POTEC: variants seen among roughly 807,000 people sequenced by gnomAD.
POTEC encodes POTE ankyrin domain family member C.
In POTEC, 35 loss-of-function variants were observed where a neutral mutation model predicts 62.0. That is an observed-to-expected ratio of 0.56 (90% CI 0.43 to 0.75). The LOEUF is 0.75. Among genes scored for constraint, POTEC ranks in the 30% least tolerant of loss-of-function variants. The probability of loss-of-function intolerance (pLI) is 0.00; values close to 1 mark genes in which losing one functional copy is unlikely to be tolerated. For missense variants in POTEC, 472 were observed against 655.9 expected (o/e 0.72, Z 3.06); for synonymous variants, 156 against 221.5 (o/e 0.70, Z 2.62).
At chr18:14,524,673 AGTG>A (rs1910391253) in intron 7 of POTEC, among the ~76,000 whole-genome samples, 1 of 152,090 alleles carries the variant, frequency 6.6e-6, no homozygotes, top group Non-Finnish European at 1.5e-5. Flanking sequence ...TAAATTTTAT[AGTG>A]GTTATGTTTT....
intron 9 of POTEC, among the ~76,000 whole-genome samples, chr18:14,518,538 C>T: frequency 6.9e-6 from 1 of 145,962 alleles, no homozygotes; most frequent in South Asian, 2.2e-4. Flanking sequence ...TTTCACTGAA[C>T]CTTCCCTTCG....
At chr18:14,516,093 T>A (rs1054848883) in intron 9 of POTEC, among the ~76,000 whole-genome samples, 3 of 150,192 alleles carry the variant, frequency 2.0e-5, no homozygotes, top group African/African-American at 7.4e-5. Flanking sequence ...AGTACAAATC[T>A]ATGGAAAACA....
intron 9 of POTEC, 126 bp from the exon 10 acceptor site, chr18:14,513,911 G>C: frequency 3.3e-6 from 5 of 1,538,058 alleles, no homozygotes; most frequent in Middle Eastern, 2.4e-4. Context: ...ACAAGACAAA[G>C]GGGTCTCACA....
At chr18:14,534,198 G>A (rs1244498317) in intron 4 of POTEC, among the ~76,000 whole-genome samples, 1 of 149,128 alleles carries the variant, frequency 6.7e-6, no homozygotes, top group Non-Finnish European at 1.5e-5. Flanking sequence ...TCTTGCGATA[G>A]TTTACTGAGA....
Position 14,543,301 on chromosome 18 carries a change from C to G in POTEC, c.-155G>C. On this transcript the variant is annotated 5_prime_UTR_variant, in exon 1 of 11. Coordinates refer to ENST00000358970, the MANE Select transcript of POTEC (RefSeq NM_001137671.2). ...GCCAACCCCAGCAAGGGAGCCCAGT[C>G]CACCCCACCCAGGGAAAACCCACAC... 7.5e-7 allele frequency: 1 copy of G among 1,327,884 alleles called. No individual in the cohort carries two copies. Among genetic ancestry groups the G allele is most frequent in the Middle Eastern group, 2.7e-4 (1 of 3,720 alleles). The allele number at this position is 1,327,884 out of a possible 1,614,324, so 82.3% of individuals were successfully genotyped here. A position where few individuals can be genotyped will look rare whatever the true frequency, so the allele number is the denominator to read the frequency against.
rs1297847399 is a variant in POTEC at position 14,507,446 on chromosome 18, CCTTT to C, written c.*4448_*4451del. 1 of 151,526 alleles carries C rather than the reference CCTTT, an allele frequency of 6.6e-6. No individual in the cohort carries two copies. Among genetic ancestry groups the C allele is most frequent in the Admixed American group, 6.6e-5 (1 of 15,204 alleles). 9.4% of individuals were successfully genotyped at this position (151,526 alleles called of 1,614,324 possible). On this transcript the variant is annotated 3_prime_UTR_variant, in exon 11 of 11. Coordinates refer to ENST00000358970, the MANE Select transcript of POTEC (RefSeq NM_001137671.2). ...TTTCCTTGAAATATTTTTCTCCATTCCTTTATTTTGAGCCTATGTATGGCACTGC... is the reference window on the plus strand; with the variant it reads ...TTTCCTTGAAATATTTTTCTCCATTCATTTTGAGCCTATGTATGGCACTGC...
chr18:14,531,052 T>C (rs1219276967), intron 5 of POTEC, among the ~76,000 whole-genome samples: 3 of 152,058 alleles, frequency 2.0e-5, no homozygotes, highest in Admixed American at 1.3e-4. Context: ...GAATCCCAAA[T>C]AAAACCCCAT....
intron 9 of POTEC, among the ~76,000 whole-genome samples, chr18:14,518,592 A>G (rs1910228027): frequency 7.2e-6 from 1 of 138,922 alleles, no homozygotes; most frequent in African/African-American, 2.7e-5. Context: ...TTGAACCTTA[A>G]GCATGACGCG....
At chr18:14,526,187 C>T (rs1910432235) in intron 6 of POTEC, among the ~76,000 whole-genome samples, 1 of 152,018 alleles carries the variant, frequency 6.6e-6, no homozygotes, top group African/African-American at 2.4e-5. Flanking sequence ...TGTGAGCCAC[C>T]ACACCCAGCC....
At chr18:14,537,765 T>C in intron 3 of POTEC, 36 bp downstream of exon 3, 1 of 1,607,236 alleles carries the variant, frequency 6.2e-7, no homozygotes, top group South Asian at 1.1e-5. Flanking sequence ...ACGAATGCAT[T>C]TCAGTATTTT....
rs1283930507 is a variant in POTEC at position 14,507,369 on chromosome 18, G to C, written c.*4529C>G. ...TTTTTTTTAAATCTTTATTGGTATA[G>C]TCTGTTTTGTCAGAAACTAGGAGTG... On this transcript the variant is annotated 3_prime_UTR_variant, in exon 11 of 11. Coordinates refer to ENST00000358970, the MANE Select transcript of POTEC (RefSeq NM_001137671.2). The C allele has an allele frequency of 6.6e-6, 1 of 150,648 alleles. No individual in the cohort carries two copies. The highest frequency in any genetic ancestry group is 1.5e-5 in the Non-Finnish European group (1 of 67,788). 9.3% of individuals were successfully genotyped at this position (150,648 alleles called of 1,614,324 possible).
chr18:14,508,293 G>A lies in POTEC; in HGVS notation c.*3605C>T, dbSNP rs1171011110. ...ATTCTTTTTTCCCCCATTCTTGTTT[G>A]CCTGTTTTATTTCAGAAAGCCAGTT... On this transcript the variant is annotated 3_prime_UTR_variant, in exon 11 of 11. Transcript: ENST00000358970. The A allele has an allele frequency of 1.3e-5, 2 of 152,406 alleles. No individual in the cohort carries two copies. Among genetic ancestry groups the A allele is most frequent in the Non-Finnish European group, 2.9e-5 (2 of 68,018 alleles). The allele number at this position is 152,406 out of a possible 1,614,324, so 9.4% of individuals were successfully genotyped here. A position where few individuals can be genotyped will look rare whatever the true frequency, so the allele number is the denominator to read the frequency against.
chr18:14,538,953 TATAAC>T (rs1238309583), intron 1 of POTEC, among the ~76,000 whole-genome samples: 5 of 152,294 alleles, frequency 3.3e-5, no homozygotes, highest in African/African-American at 1.2e-4. Flanking sequence ...TATGTTATAA[TATAAC>T]AGGTCTGGGG....
At chr18:14,540,666 G>A (rs2143171210) in intron 1 of POTEC, among the ~76,000 whole-genome samples, 1 of 152,148 alleles carries the variant, frequency 6.6e-6, no homozygotes, top group South Asian at 2.1e-4. Context: ...GCAATACTAA[G>A]AAAAACAGCT....
At chr18:14,523,612 T>A (rs1448492987) in intron 7 of POTEC, 105 bp from the exon 8 acceptor site, 1 of 441,820 alleles carries the variant, frequency 2.3e-6, no homozygotes, top group African/African-American at 2.1e-5. Flanking sequence ...TAATCAAGTA[T>A]GGACATGAAA....
Position 14,530,040 on chromosome 18 carries a change from C to T in POTEC, c.1126+443G>A, listed in dbSNP as rs1209800179. 6.6e-5 allele frequency among the ~76,000 whole-genome samples: 10 copies of T among 151,944 alleles called. No homozygotes were observed. In the East Asian group the frequency reaches 1.6e-3, roughly 24 times the overall value. ...ACCAGGGAAGCTTCACCTGTACTTACGGCCACACCCCATGGCTCATATTAC... is the reference window on the plus strand; with the variant it reads ...ACCAGGGAAGCTTCACCTGTACTTATGGCCACACCCCATGGCTCATATTAC... On this transcript the variant is annotated intron_variant, in intron 6 of 10. Coordinates refer to ENST00000358970, the MANE Select transcript of POTEC (RefSeq NM_001137671.2).
intron 1 of POTEC, 66 bp downstream of exon 1, chr18:14,542,560 G>A: frequency 1.9e-6 from 3 of 1,603,902 alleles, no homozygotes; most frequent in East Asian, 2.2e-5. Flanking sequence ...CTCCCTCCCT[G>A]CGCCAGGAGG....
chr18:14,511,844 C>A lies in POTEC; in HGVS notation c.*54G>T. ...TTATCAGTCTTTTCTTTCACACTTT[C>A]AATTTCCTCCAAAATTTTATTTTCC... On this transcript the variant is annotated 3_prime_UTR_variant, in exon 11 of 11. Transcript: ENST00000358970. 1 of 1,478,052 alleles carries A rather than the reference C, an allele frequency of 6.8e-7. No homozygotes were observed. The highest frequency in any genetic ancestry group is 1.1e-5 in the South Asian group (1 of 87,728). The allele number at this position is 1,478,052 out of a possible 1,614,324, so 91.6% of individuals were successfully genotyped here.
At chr18:14,515,470 T>A (rs955136263) in intron 9 of POTEC, among the ~76,000 whole-genome samples, 1 of 151,786 alleles carries the variant, frequency 6.6e-6, no homozygotes, top group Non-Finnish European at 1.5e-5. Context: ...CAACAAATGG[T>A]GCTGGGAAAA....
Sources: allele counts gnomAD v4.1 joint callset (sites outside exome capture counted in the v4.1 genomes callset), GRCh38; gene constraint gnomAD v4.1.1; transcripts MANE v1.5; gene names NCBI Gene and HGNC (gene_info 2026-07-23, HGNC 2026-07-21).